The following ABCD2 variants were observed in gnomAD, a reference collection of about 807,000 sequenced individuals.
The protein encoded by ABCD2 is ATP binding cassette subfamily D member 2, also known as ATP-binding cassette sub-family D member 2.
Under a neutral mutation model 70.9 loss-of-function variants are expected in ABCD2, and 36 were observed. The ratio of observed to expected loss-of-function variants is 0.51; its 90% CI spans 0.39 to 0.67. The LOEUF (loss-of-function observed/expected upper bound fraction) is 0.67. Ranked by LOEUF, ABCD2 falls within the 30% of genes least tolerant of loss-of-function variation. The probability of loss-of-function intolerance (pLI) is 0.00; values close to 1 mark genes in which losing one functional copy is unlikely to be tolerated. For synonymous variants in ABCD2, 304 were observed against 306.9 expected (o/e 0.99, Z 0.10); for missense variants, 729 against 890.2 (o/e 0.82, Z 2.30).
downstream of ABCD2, among the ~76,000 whole-genome samples, chr12:39,545,352 G>T (rs532914152): frequency 5.9e-5 from 9 of 152,082 alleles, no homozygotes; most frequent in Non-Finnish European, 1.3e-4. Flanking sequence ...GAGTGCAATG[G>T]CATAATCTTG....
At chr12:39,604,973 A>G in intron 3 of ABCD2, 43 bp from the exon 4 acceptor site, 2 of 1,435,544 alleles carry the variant, frequency 1.4e-6, no homozygotes, top group Non-Finnish European at 1.9e-6. Flanking sequence ...ACTATATCCA[A>G]GACAATATTT....
chr12:39,600,689 T>A lies in ABCD2; in HGVS notation c.1528A>T (p.Thr510Ser), dbSNP rs1276316538. ...CTTTTCCCACAACCATTGGGACCAG[T>A]TATCAAAAGATGCATTCCTTCTTCT... The part of the protein sequence containing the change: ...KVEEGMHLLI[T>S]GPNGCGKSSL... The change falls in exon 6 of 10, where the codon ACT (threonine) becomes TCT (serine). Residue 510 changes from threonine (T) to serine (S), a missense_variant. Around this residue, in one of 3 missense-constraint regions of ABCD2, gnomAD observed 289 missense variants for 328.8 expected, o/e 0.88. Coordinates refer to ENST00000308666, the MANE Select transcript of ABCD2 (RefSeq NM_005164.4). 1.9e-6 allele frequency: 3 copies of A among 1,611,198 alleles called. No individual in the cohort carries two copies. Among genetic ancestry groups the A allele is most frequent in the Non-Finnish European group, 2.5e-6 (3 of 1,178,820 alleles).
intron 9 of ABCD2, 144 bp downstream of exon 9, chr12:39,573,572 A>C: frequency 1.4e-6 from 1 of 716,096 alleles, no homozygotes; most frequent in South Asian, 3.1e-5. Flanking sequence ...GGAGTATCTA[A>C]GCTACTAATG....
chr12:39,592,929 T>A (rs1389817291), intron 6 of ABCD2, among the ~76,000 whole-genome samples: 1 of 152,212 alleles, frequency 6.6e-6, no homozygotes, highest in Admixed American at 6.5e-5. Flanking sequence ...AGATTCTTGC[T>A]TAGATCCTTT....
chr12:39,531,436 C>T, the ABCD2 span, among the ~76,000 whole-genome samples: 1 of 152,144 alleles, frequency 6.6e-6, no homozygotes. Flanking sequence ...CCGTTTTGAC[C>T]TTCTACCAGA....
chr12:39,558,381 T>G (rs1485876294), intron 9 of ABCD2, among the ~76,000 whole-genome samples: 1 of 152,138 alleles, frequency 6.6e-6, no homozygotes, highest in Admixed American at 6.6e-5. Flanking sequence ...TGGAAGGGCA[T>G]GATTATGTTT....
chr12:39,609,666 G>T (rs1942018660), intron 2 of ABCD2, among the ~76,000 whole-genome samples: 1 of 152,098 alleles, frequency 6.6e-6, no homozygotes, highest in South Asian at 2.1e-4. Context: ...GATATAGATA[G>T]CCATAGGCCC....
intron 2 of ABCD2, among the ~76,000 whole-genome samples, chr12:39,608,450 G>A (rs1167573142): frequency 1.3e-5 from 2 of 152,114 alleles, no homozygotes. Flanking sequence ...ACTCTGGGAG[G>A]CCAAGGCAGG....
chr12:39,613,385 CAAAAAAAAAAAAAAA>C (rs71075064), intron 2 of ABCD2, among the ~76,000 whole-genome samples: 1 of 23,606 alleles, frequency 4.2e-5, no homozygotes, highest in Non-Finnish European at 6.1e-5. Context: ...GACTCCGTCT[CAAAAAAAAAAAAAAA>C]AAAAAAAAAA....
chr12:39,544,068 T>C, the ABCD2 span, among the ~76,000 whole-genome samples: 1 of 151,322 alleles, frequency 6.6e-6, no homozygotes, highest in Non-Finnish European at 1.5e-5. Context: ...GAGACTGGAG[T>C]TTTATTATTA....
At chr12:39,549,984 G>A (rs1472275543), downstream of ABCD2, 1 of 151,726 alleles carries the variant, frequency 6.6e-6, no homozygotes, top group African/African-American at 2.4e-5. Flanking sequence ...TTGACTTTTT[G>A]TCTGACTGAG....
chr12:39,566,682 G>A (rs1193304335), intron 9 of ABCD2, among the ~76,000 whole-genome samples: 3 of 152,096 alleles, frequency 2.0e-5, no homozygotes, highest in African/African-American at 7.2e-5. Flanking sequence ...GCTTTTGAAT[G>A]TGTTTGCTCT....
chr12:39,535,641 G>A, the ABCD2 span, among the ~76,000 whole-genome samples: 293 of 151,978 alleles, frequency 1.9e-3, 3 homozygotes, highest in African/African-American at 6.8e-3. Context: ...AACATTCAAC[G>A]AATTGAAATT....
chr12:39,567,058 G>T (rs982260354), intron 9 of ABCD2, among the ~76,000 whole-genome samples: 1 of 152,172 alleles, frequency 6.6e-6, no homozygotes, highest in South Asian at 2.1e-4. Flanking sequence ...CAACTATGTG[G>T]TCAATTTTGG....
At chr12:39,533,422 A>G in the ABCD2 span, among the ~76,000 whole-genome samples, 1 of 152,368 alleles carries the variant, frequency 6.6e-6, no homozygotes, top group South Asian at 2.1e-4. Flanking sequence ...AGAAGTATAC[A>G]AATAAATTAA....
intron 6 of ABCD2, among the ~76,000 whole-genome samples, chr12:39,597,985 T>C (rs1219304228): frequency 1.3e-5 from 2 of 152,326 alleles, no homozygotes; most frequent in South Asian, 2.1e-4. Flanking sequence ...CATAATTTAT[T>C]AGGAATTCAG....
the ABCD2 span, among the ~76,000 whole-genome samples, chr12:39,540,216 A>T: frequency 6.6e-6 from 1 of 152,236 alleles, no homozygotes; most frequent in African/African-American, 2.4e-5. Context: ...TAGCCCTTGC[A>T]CATAGTGAAG....
downstream of ABCD2, among the ~76,000 whole-genome samples, chr12:39,547,804 T>A (rs1044194751): frequency 6.6e-6 from 1 of 152,166 alleles, no homozygotes; most frequent in Non-Finnish European, 1.5e-5. Flanking sequence ...TTTTATGTTA[T>A]GTGTTTTTTA....
chr12:39,535,211 C>T, the ABCD2 span, among the ~76,000 whole-genome samples: 6 of 152,134 alleles, frequency 3.9e-5, no homozygotes, highest in East Asian at 3.9e-4. Flanking sequence ...TGGAATCAGA[C>T]GGTGGGATTA....
Sources: gnomAD v4.1 joint callset for allele counts (sites outside exome capture counted in the v4.1 genomes callset) on GRCh38, gnomAD v4.1.1 for gene constraint, gnomAD v4.1.1 regional missense constraint, MANE v1.5 for transcripts, NCBI Gene and HGNC (gene_info 2026-07-23, HGNC 2026-07-21) for gene names.